Variants in LRBA observed in about 807,000 individuals in gnomAD.
LRBA encodes lipopolysaccharide-responsive and beige-like anchor protein.
Under a neutral mutation model 330.0 loss-of-function variants are expected in LRBA, and 176 were observed. That is an observed-to-expected ratio of 0.53 (90% CI 0.47 to 0.60). The LOEUF is 0.60. Among genes scored for constraint, LRBA ranks in the 20% least tolerant of loss-of-function variants. The pLI, the probability that LRBA is intolerant of heterozygous loss-of-function variation, is 0.00. For missense variants in LRBA, 3,259 were observed against 3,444.8 expected, an observed-to-expected ratio of 0.95 and a Z score of 1.35; for synonymous variants, 1,230 against 1,193.0, an observed-to-expected ratio of 1.03 and a Z score of -0.64.
Position 151,014,129 on chromosome 4 carries a change from A to C in LRBA, c.216+298T>G, listed in dbSNP as rs1418522617. 1.6e-5 allele frequency: 4 copies of C among 245,706 alleles called. No homozygotes were observed. The Admixed American group carries it at 2.1e-4, about 13-fold the overall frequency. The allele number at this position is 245,706 out of a possible 1,614,324, so 15.2% of individuals were successfully genotyped here. A position where few individuals can be genotyped will look rare whatever the true frequency, so the allele number is the denominator to read the frequency against. ...CTTAGGCATACAAGCCAAGAAAAAA[A>C]AAATTAGAGATAACTCCTCCGCTAG... On this transcript the variant is annotated intron_variant, in intron 2 of 56. Transcript: ENST00000651943.
intron 2 of LRBA, among the ~76,000 whole-genome samples, chr4:150,967,439 C>T (rs1739028756): frequency 6.6e-6 from 1 of 152,218 alleles, no homozygotes; most frequent in East Asian, 1.9e-4. Context: ...CAAAGTTTAG[C>T]TCTAGCCCCA....
intron 40 of LRBA, chr4:150,584,315 C>A: frequency 4.2e-6 from 2 of 479,672 alleles, no homozygotes; most frequent in Admixed American, 7.9e-5. Flanking sequence ...CAAAAGTGAT[C>A]GTTTTCTTCC....
At chr4:150,350,187 A>G in intron 47 of LRBA, 28 bp from the exon 48 acceptor site, 1 of 1,467,206 alleles carries the variant, frequency 6.8e-7, no homozygotes, top group Non-Finnish European at 9.1e-7. Flanking sequence ...TTGTATTACT[A>G]TGCTGAATTC....
chr4:150,473,655 C>T (rs768321342), intron 42 of LRBA, among the ~76,000 whole-genome samples: 10 of 152,138 alleles, frequency 6.6e-5, no homozygotes, highest in Non-Finnish European at 1.2e-4. Flanking sequence ...TCCCTCTCTC[C>T]TTAGGCCTTC....
intron 47 of LRBA, 30 bp downstream of exon 47, chr4:150,415,408 G>C (rs1200853038): frequency 6.2e-7 from 1 of 1,602,622 alleles, no homozygotes; most frequent in Non-Finnish European, 8.5e-7. Flanking sequence ...AAAAGCTCAT[G>C]ACAGACAGAG....
At position 150,590,969 on chromosome 4, in the gene LRBA, C is replaced by A. The variant is rs141470889; in HGVS notation, c.6047-110G>T. 2.5e-5 allele frequency: 22 copies of A among 887,790 alleles called. No homozygotes were observed. The East Asian group carries it at 5.2e-4, about 21-fold the overall frequency. 55.0% of individuals were successfully genotyped at this position (887,790 alleles called of 1,614,324 possible). A position where few individuals can be genotyped will look rare whatever the true frequency, so the allele number is the denominator to read the frequency against. On this transcript the variant is annotated intron_variant, in intron 38 of 56. Transcript: ENST00000651943. ...GGCCAAAGATGGTCAATCTTTTATACACAGTGTCAGCTACAGTGGAGAAAG... is the reference window on the plus strand; with the variant it reads ...GGCCAAAGATGGTCAATCTTTTATAAACAGTGTCAGCTACAGTGGAGAAAG...
At chr4:150,309,673 G>T (rs1357756194) in intron 52 of LRBA, among the ~76,000 whole-genome samples, 1 of 152,042 alleles carries the variant, frequency 6.6e-6, no homozygotes, top group Middle Eastern at 3.2e-3. Flanking sequence ...GCATGTAAAT[G>T]AATATATAGA....
intron 38 of LRBA, among the ~76,000 whole-genome samples, chr4:150,595,746 T>TA (rs1337895414): frequency 6.6e-6 from 1 of 151,964 alleles, no homozygotes; most frequent in Non-Finnish European, 1.5e-5. Context: ...GTCCTTTATC[T>TA]ACCAAAAATT....
At chr4:150,993,100 A>C (rs1320591269) in intron 2 of LRBA, among the ~76,000 whole-genome samples, 1 of 152,166 alleles carries the variant, frequency 6.6e-6, no homozygotes, top group Non-Finnish European at 1.5e-5. Flanking sequence ...CCTGGGCAAC[A>C]TAGCAAGACT....
intron 2 of LRBA, among the ~76,000 whole-genome samples, chr4:150,935,010 G>A (rs1276639671): frequency 1.5e-4 from 20 of 131,368 alleles, no homozygotes; most frequent in African/African-American, 1.2e-4. Context: ...CTCCATCTCA[G>A]AAAAAAAAAA....
Position 150,372,109 on chromosome 4 carries a change from G to A in LRBA, c.7195-21950C>T, listed in dbSNP as rs12643992. Among the ~76,000 whole-genome samples the A allele has an allele frequency of 6.6e-5, 10 of 152,172 alleles. No individual in the cohort carries two copies. In the East Asian group the frequency reaches 1.9e-3, roughly 29 times the overall value. On this transcript the variant is annotated intron_variant, in intron 47 of 56. Coordinates refer to ENST00000651943, the MANE Select transcript of LRBA (RefSeq NM_001364905.1). The stretch of plus-strand genomic sequence containing the variant: ...ATTCTATCAGTTAATTTTTCTGTCA[G>A]ATGCTCGTTATGCTAACTTCTTGTG...
chr4:150,359,874 G>A (rs570136942), intron 47 of LRBA, among the ~76,000 whole-genome samples: 1 of 152,074 alleles, frequency 6.6e-6, no homozygotes, highest in South Asian at 2.1e-4. Flanking sequence ...CAGCTACTCA[G>A]GAGGCTGAGG....
At chr4:150,951,074 GGAA>G (rs1290010564) in intron 2 of LRBA, among the ~76,000 whole-genome samples, 1 of 152,200 alleles carries the variant, frequency 6.6e-6, no homozygotes, top group African/African-American at 2.4e-5. Context: ...CACCATAAAT[GGAA>G]GAAGAATATT....
intron 37 of LRBA, among the ~76,000 whole-genome samples, chr4:150,614,298 G>A (rs1561425516): frequency 1.3e-5 from 2 of 152,168 alleles, no homozygotes; most frequent in African/African-American, 4.8e-5. Flanking sequence ...GGGAGATATT[G>A]AAGAGTTTTA....
chr4:150,871,369 C>T lies in LRBA; in HGVS notation c.2343G>A (p.Met781Ile), dbSNP rs903187985. 1.2e-6 allele frequency: 2 copies of T among 1,609,044 alleles called. No individual in the cohort carries two copies. The highest frequency in any genetic ancestry group is 3.3e-5 in the Admixed American group (2 of 60,000). The part of the protein sequence containing the change: ...RLMLQTNLIT[M>I]TTYNVLFEIL... ...CCTCAAACAGCACATTATATGTGGT[C>T]ATTGTGATTAAATTTGTCTGAAGCA... Residue 781 changes from methionine to isoleucine, a missense_variant, in exon 19 of 57, where the codon ATG becomes ATA. By Grantham distance (10) the Met-to-Ile change is conservative. Transcript: ENST00000651943.
At chr4:150,579,814 A>T (rs936994531) in intron 40 of LRBA, 5 of 439,600 alleles carry the variant, frequency 1.1e-5, no homozygotes, top group East Asian at 7.1e-5. Flanking sequence ...CTGTTTGCAA[A>T]CACTCACTCT....
At chr4:150,537,853 G>C (rs1426960155) in intron 40 of LRBA, among the ~76,000 whole-genome samples, 1 of 152,046 alleles carries the variant, frequency 6.6e-6, no homozygotes, top group Non-Finnish European at 1.5e-5. Context: ...TATTTGGGAG[G>C]CTGAGGCATG....
intron 34 of LRBA, among the ~76,000 whole-genome samples, chr4:150,769,263 T>C (rs1295020725): frequency 6.6e-6 from 1 of 151,998 alleles, no homozygotes; most frequent in Non-Finnish European, 1.5e-5. Context: ...GCTATTTCTA[T>C]GCCCCGGTAT....
At chr4:150,835,033 T>A (rs373294619) in intron 28 of LRBA, among the ~76,000 whole-genome samples, 1 of 152,198 alleles carries the variant, frequency 6.6e-6, no homozygotes, top group East Asian at 1.9e-4. Flanking sequence ...GGCTAGCTAG[T>A]TTTCCCAGCA....
Sources: gnomAD v4.1 joint callset for allele counts (sites outside exome capture counted in the v4.1 genomes callset) on GRCh38, gnomAD v4.1.1 for gene constraint, MANE v1.5 for transcripts, NCBI Gene and HGNC (gene_info 2026-07-23, HGNC 2026-07-21) for gene names.